The following CCDC66 variants were observed in gnomAD, a reference collection of about 807,000 sequenced individuals.
CCDC66 encodes coiled-coil domain containing 66.
Under a neutral mutation model 128.3 loss-of-function variants are expected in CCDC66, and 133 were observed. That is an observed-to-expected ratio of 1.04 (90% CI 0.90 to 1.20). CCDC66 has a LOEUF of 1.20. Among genes scored for constraint, CCDC66 ranks in the 50% most tolerant of loss-of-function variants. The pLI, the probability that CCDC66 is intolerant of heterozygous loss-of-function variation, is 0.00. For missense variants in CCDC66, 1,126 were observed against 1,075.5 expected (o/e 1.05, Z -0.66); for synonymous variants, 387 against 357.0 (o/e 1.08, Z -0.95).
chr3:56,565,950 G>A (rs1292779740), intron 4 of CCDC66, among the ~76,000 whole-genome samples: 2 of 152,238 alleles, frequency 1.3e-5, no homozygotes, highest in Non-Finnish European at 2.9e-5. Flanking sequence ...ACAGGCGTGA[G>A]CCACCGTGCC....
At chr3:56,605,404 G>T (rs1559738763) in intron 10 of CCDC66, among the ~76,000 whole-genome samples, 1 of 152,002 alleles carries the variant, frequency 6.6e-6, no homozygotes. Context: ...CCATCTTCAT[G>T]GATTTATCTA....
At chr3:56,569,363 G>C (rs1230694958) in intron 6 of CCDC66, 1 of 340,142 alleles carries the variant, frequency 2.9e-6, no homozygotes, top group South Asian at 2.4e-5. Flanking sequence ...CTTCTGGTGA[G>C]GCCTCAGGAA....
chr3:56,577,295 T>C (rs1211598760), intron 7 of CCDC66, among the ~76,000 whole-genome samples: 1 of 151,936 alleles, frequency 6.6e-6, no homozygotes, highest in Non-Finnish European at 1.5e-5. Context: ...TAAATTTGTT[T>C]AAGTTATTTA....
rs578053911 is a variant in CCDC66 at position 56,601,713 on chromosome 3, G to A, written c.1404+7685G>A. 2.0e-5 allele frequency among the ~76,000 whole-genome samples: 3 copies of A among 151,978 alleles called. No individual in the cohort carries two copies. The East Asian group carries it at 5.8e-4, about 29-fold the overall frequency. On this transcript the variant is annotated intron_variant, in intron 10 of 17. Transcript: ENST00000394672. ...CGTCCCTTGTAAGTTGTATTCCTAG[G>A]TATTTTATTCTCTTAGTAGCAGTTG...
At chr3:56,615,306 T>A (rs1309434964) in intron 12 of CCDC66, 34 bp downstream of exon 12, 37 of 1,552,528 alleles carry the variant, frequency 2.4e-5, no homozygotes, top group Non-Finnish European at 3.2e-5. Flanking sequence ...TTTATAATAT[T>A]TTTAGAAGAT....
chr3:56,557,442 A>T (rs1286853677), intron 1 of CCDC66, among the ~76,000 whole-genome samples, 189 bp downstream of exon 1: 2 of 151,986 alleles, frequency 1.3e-5, no homozygotes, highest in South Asian at 2.1e-4. Flanking sequence ...TAGCGACTCC[A>T]CAGACCTTAC....
intron 7 of CCDC66, among the ~76,000 whole-genome samples, chr3:56,584,529 T>C (rs1437205620): frequency 1.5e-5 from 2 of 133,296 alleles, no homozygotes; most frequent in Non-Finnish European, 3.2e-5. Context: ...ACATCTCAGA[T>C]GATGGGCAGC....
chr3:56,573,426 G>A (rs555262301), intron 7 of CCDC66, among the ~76,000 whole-genome samples: 2 of 152,284 alleles, frequency 1.3e-5, no homozygotes, highest in South Asian at 4.1e-4. Flanking sequence ...AAGGTGTTGG[G>A]GAAGGGAACA....
intron 7 of CCDC66, 105 bp from the exon 8 acceptor site, chr3:56,592,865 G>A: frequency 9.1e-7 from 1 of 1,103,400 alleles, no homozygotes; most frequent in Non-Finnish European, 1.3e-6. Flanking sequence ...ACAGATAAAT[G>A]CCTCAGTGGA....
At chr3:56,571,160 T>TA in intron 6 of CCDC66, 21 bp from the exon 7 acceptor site, 1 of 1,477,602 alleles carries the variant, frequency 6.8e-7, no homozygotes, top group Non-Finnish European at 9.2e-7. Flanking sequence ...TACATTTTTT[T>TA]AAAAAGGACA....
intron 3 of CCDC66, 147 bp from the exon 4 acceptor site, chr3:56,563,537 G>A: frequency 1.7e-6 from 1 of 604,932 alleles, no homozygotes. Flanking sequence ...AGATTTGCAA[G>A]TATTAAGAGT....
At chr3:56,612,174 C>T (rs1418316141) in intron 10 of CCDC66, among the ~76,000 whole-genome samples, 1 of 152,222 alleles carries the variant, frequency 6.6e-6, no homozygotes, top group African/African-American at 2.4e-5. Flanking sequence ...ATCACTTCTT[C>T]CGATTTTTTG....
At position 56,558,915 on chromosome 3, in the gene CCDC66, G is replaced by T; in HGVS notation, c.76+5G>T. On this transcript the variant is annotated splice_donor_5th_base_variant and intron_variant, in intron 2 of 17. Coordinates refer to ENST00000394672, the MANE Select transcript of CCDC66 (RefSeq NM_001141947.3). Reference sequence around the variant, plus strand: ...AGCTAATATTGTCTCCATATGGTATGTTGTGTTACAGAAATCTGAAATGTT... The same window carrying T: ...AGCTAATATTGTCTCCATATGGTATTTTGTGTTACAGAAATCTGAAATGTT... The T allele has an allele frequency of 6.5e-7, 1 of 1,531,220 alleles. No individual in the cohort carries two copies. 94.9% of individuals were successfully genotyped at this position (1,531,220 alleles called of 1,614,324 possible). A position where few individuals can be genotyped will look rare whatever the true frequency, so the allele number is the denominator to read the frequency against.
chr3:56,573,530 A>G (rs552273628), intron 7 of CCDC66, among the ~76,000 whole-genome samples: 45 of 152,326 alleles, frequency 3.0e-4, no homozygotes, highest in Non-Finnish European at 2.5e-4. Context: ...TCCATGCACA[A>G]TTGAGTTTTA....
In CCDC66 at chr3:56,618,189, T is replaced by C. The variant is rs775228899; in HGVS notation, c.2355T>C (p.Asn785=). 3.7e-6 allele frequency: 6 copies of C among 1,613,002 alleles called. No homozygotes were observed. The Admixed American group carries it at 8.3e-5, about 22-fold the overall frequency. Reference sequence around the variant, plus strand: ...TATTTTAGGAAGAAGAGCCTCTGAATATTCATTCATTCAGCAAGGAAAGGT... The same window carrying C: ...TATTTTAGGAAGAAGAGCCTCTGAACATTCATTCATTCAGCAAGGAAAGGT... ...HLVKKEEEPL[N]IHSFSKERSP... The change falls in exon 15 of 18, where the codon AAT becomes AAC. Residue 785 remains asparagine (N), a synonymous_variant. Coordinates refer to ENST00000394672, the MANE Select transcript of CCDC66 (RefSeq NM_001141947.3).
rs750774831 is a variant in CCDC66, at chr3:56,617,214, T to G, written c.1946T>G (p.Leu649Arg). ...NCSSPEISAE[L>R]IGQFSTKKNK... ...TCATCTCCTGAGATTTCGGCAGAAC[T>G]TATTGGACAGTTTAGCACCAAGAAA... is the stretch of plus-strand genomic sequence containing the variant. The change falls in exon 14 of 18, where the codon CTT becomes CGT. Residue 649 changes from leucine to arginine, a missense_variant. By Grantham distance (102) the Leu-to-Arg change is moderately radical. Coordinates refer to ENST00000394672, the MANE Select transcript of CCDC66 (RefSeq NM_001141947.3). 1.2e-6 allele frequency: 2 copies of G among 1,613,832 alleles called. No individual in the cohort carries two copies. The highest frequency in any genetic ancestry group is 1.1e-5 in the South Asian group (1 of 90,974).
intron 9 of CCDC66, 73 bp downstream of exon 9, chr3:56,593,814 A>T: frequency 6.3e-7 from 1 of 1,587,122 alleles, no homozygotes; most frequent in Non-Finnish European, 8.6e-7. Flanking sequence ...TGTTATGTCT[A>T]ATTGGTTTCA....
intron 17 of CCDC66, 152 bp from the exon 18 acceptor site, chr3:56,621,380 G>A: frequency 4.1e-6 from 2 of 487,548 alleles, no homozygotes; most frequent in Non-Finnish European, 7.4e-6. Context: ...CAAATGAGGT[G>A]GTCTAGTACA....
rs1174383291 is a variant in CCDC66 at position 56,566,944 on chromosome 3, C to A, written c.711-6C>A. ...AGTTTCTGTTATCTTTTGTGTTTTA[C>A]CTTAGAGAGAATGAATGGAAACCAG... On this transcript the variant is annotated splice_region_variant and splice_polypyrimidine_tract_variant and intron_variant, in intron 5 of 17. Transcript: ENST00000394672. The A allele has an allele frequency of 6.2e-7, 1 of 1,607,678 alleles. No homozygotes were observed. Among genetic ancestry groups the A allele is most frequent in the East Asian group, 2.2e-5 (1 of 44,824 alleles).
Sources: allele counts gnomAD v4.1 joint callset (sites outside exome capture counted in the v4.1 genomes callset), GRCh38; gene constraint gnomAD v4.1.1; transcripts MANE v1.5; gene names NCBI Gene and HGNC (gene_info 2026-07-23, HGNC 2026-07-21).